The following WWTR1 variants were observed in gnomAD, a reference collection of about 807,000 sequenced individuals.
WWTR1 encodes WW domain-containing transcription regulator protein 1.
A neutral mutation model predicts 40.1 loss-of-function variants in WWTR1; 13 were observed. The ratio of observed to expected loss-of-function variants is 0.32; its 90% confidence interval spans 0.21 to 0.52. WWTR1 has a LOEUF of 0.52. Among genes scored for constraint, WWTR1 ranks in the 20% least tolerant of loss-of-function variants. The pLI, the probability that WWTR1 is intolerant of heterozygous loss-of-function variation, is 0.97. For missense variants in WWTR1, 436 were observed against 523.1 expected, an observed-to-expected ratio of 0.83 and a Z score of 1.63; for synonymous variants, 230 against 210.1, an observed-to-expected ratio of 1.09 and a Z score of -0.82.
At position 149,625,634 on chromosome 3, in the gene WWTR1, T is replaced by C. The variant is rs113328298; in HGVS notation, c.431+31242A>G. On this transcript the variant is annotated intron_variant, in intron 2 of 6. Transcript: ENST00000360632. ...GGTGAAACCCCATCTCTACTAAAAA[T>C]ACAAAAACTAGCTGGGCATGGTGGC... Among the ~76,000 whole-genome samples, 1,143 of 151,536 alleles carry C rather than the reference T, an allele frequency of 7.5e-3. 20 individuals are homozygous for C. The highest frequency in any genetic ancestry group is 0.026 in the African/African-American group (1,080 of 41,318).
Position 149,657,012 on chromosome 3 carries a change from C to T in WWTR1, c.295G>A (p.Gly99Ser), listed in dbSNP as rs1459922346. The change falls in exon 2 of 7, where the codon GGC becomes AGC. Residue 99 changes from glycine (G) to serine (S), a missense_variant. Physicochemically the swap from Gly to Ser is moderately conservative, Grantham distance 56. Coordinates refer to ENST00000360632, the MANE Select transcript of WWTR1 (RefSeq NM_015472.6). ...GCGGGGCTACCCGCAGCACCCGCGC[C>T]GGTGCCCAGCTGCAGGGACGCGGGC... ...SSPASLQLGTGAGAAGSPAQQ... is the reference protein window; with the variant it reads ...SSPASLQLGTSAGAAGSPAQQ... 5 of 1,595,252 alleles carry T rather than the reference C, an allele frequency of 3.1e-6. No homozygotes were observed. The highest frequency in any genetic ancestry group is 1.3e-5 in the African/African-American group (1 of 74,798).
intron 4 of WWTR1, among the ~76,000 whole-genome samples, chr3:149,539,100 C>G (rs916874646): frequency 3.3e-5 from 5 of 152,174 alleles, no homozygotes; most frequent in African/African-American, 4.8e-5. Flanking sequence ...AATAGGTGAC[C>G]CTTTGGCATT....
At chr3:149,538,959 A>C (rs1735956653) in intron 4 of WWTR1, among the ~76,000 whole-genome samples, 1 of 152,260 alleles carries the variant, frequency 6.6e-6, no homozygotes, top group Non-Finnish European at 1.5e-5. Flanking sequence ...TGAAGAGATA[A>C]AGGAATGAAG....
At chr3:149,653,450 T>C (rs1216336392) in intron 2 of WWTR1, among the ~76,000 whole-genome samples, 2 of 152,182 alleles carry the variant, frequency 1.3e-5, no homozygotes, top group Non-Finnish European at 2.9e-5. Context: ...TAAAAACTTT[T>C]TATTTAGAGA....
intron 3 of WWTR1, among the ~76,000 whole-genome samples, chr3:149,546,482 G>A: frequency 6.6e-6 from 1 of 152,326 alleles, no homozygotes; most frequent in Admixed American, 6.5e-5. Context: ...CATGTTACTA[G>A]TTGTGGTTAG....
chr3:149,628,733 A>AT (rs778504782), intron 2 of WWTR1, among the ~76,000 whole-genome samples: 3 of 140,826 alleles, frequency 2.1e-5, no homozygotes, highest in Admixed American at 7.1e-5. Context: ...GATTCTTTTT[A>AT]TTTTTTTTAT....
upstream of WWTR1, among the ~76,000 whole-genome samples, chr3:149,704,323 TAAG>T (rs2108226365): frequency 6.6e-6 from 1 of 152,186 alleles, no homozygotes; most frequent in South Asian, 2.1e-4. Context: ...CGTAACAAAC[TAAG>T]AAGGCTAAAT....
At chr3:149,622,232 GTTA>G (rs1039859100) in intron 2 of WWTR1, among the ~76,000 whole-genome samples, 2 of 152,056 alleles carry the variant, frequency 1.3e-5, no homozygotes, top group African/African-American at 4.8e-5. Context: ...TTGGGATGTT[GTTA>G]TTATTCTCCC....
chr3:149,522,116 C>A (rs540019376), intron 6 of WWTR1, among the ~76,000 whole-genome samples: 8 of 152,316 alleles, frequency 5.3e-5, no homozygotes, highest in African/African-American at 1.9e-4. Flanking sequence ...GAGATAATAT[C>A]TACTTCAAAA....
chr3:149,595,008 C>A (rs991358736), intron 2 of WWTR1, among the ~76,000 whole-genome samples: 5 of 113,472 alleles, frequency 4.4e-5, no homozygotes, highest in African/African-American at 6.9e-5. Context: ...TGTTGCCAGG[C>A]TGGAGTGCAG....
In WWTR1 at chr3:149,581,729, C is replaced by T. The variant is rs550525912; in HGVS notation, c.432-8729G>A. 1.2e-4 allele frequency among the ~76,000 whole-genome samples: 18 copies of T among 152,290 alleles called. No individual in the cohort carries two copies. The South Asian group carries it at 3.5e-3, about 30-fold the overall frequency. ...TCTAATCCTCGACTTCCCTCACAGA[C>T]TTGCCAAGAAGTTTCCACTTGTTTA... On this transcript the variant is annotated intron_variant, in intron 2 of 6. Transcript: ENST00000360632.
chr3:149,532,647 G>A (rs987111652), intron 4 of WWTR1, among the ~76,000 whole-genome samples: 17 of 151,996 alleles, frequency 1.1e-4, no homozygotes, highest in East Asian at 1.9e-4. Flanking sequence ...TACAAAACCC[G>A]AGGTCTGAAA....
chr3:149,611,759 T>C (rs1739746234), intron 2 of WWTR1, among the ~76,000 whole-genome samples: 1 of 152,192 alleles, frequency 6.6e-6, no homozygotes, highest in South Asian at 2.1e-4. Flanking sequence ...GTTAATAACA[T>C]AGCTCCAGAG....
intron 4 of WWTR1, among the ~76,000 whole-genome samples, chr3:149,723,180 C>CTTTTTTTTTTTTTTTTTTTTTTTTTT (rs1553737951): frequency 2.0e-5 from 1 of 49,156 alleles, no homozygotes; most frequent in Non-Finnish European, 5.0e-5. Context: ...GTTTTCTTTT[C>CTTTTTTTTTTTTTTTTTTTTTTTTTT]TTTTCTTTTT....
intron 4 of WWTR1, among the ~76,000 whole-genome samples, chr3:149,530,206 G>A (rs780784847): frequency 3.9e-5 from 6 of 152,048 alleles, no homozygotes; most frequent in Non-Finnish European, 7.4e-5. Context: ...TATTAGCCGG[G>A]TGTGGTGGCA....
At chr3:149,586,936 C>T (rs1268067222) in intron 2 of WWTR1, among the ~76,000 whole-genome samples, 2 of 152,182 alleles carry the variant, frequency 1.3e-5, no homozygotes, top group Non-Finnish European at 2.9e-5. Context: ...TGTGGAAGCT[C>T]CAAGTACCTT....
At chr3:149,567,769 A>G (rs996091099) in intron 3 of WWTR1, among the ~76,000 whole-genome samples, 28 of 152,328 alleles carry the variant, frequency 1.8e-4, no homozygotes, top group Admixed American at 1.6e-3. Context: ...CATTATCACC[A>G]TTTTACAGAT....
intron 5 of WWTR1, among the ~76,000 whole-genome samples, chr3:149,710,923 TTAAG>T (rs927695493): frequency 6.6e-6 from 1 of 151,956 alleles, no homozygotes; most frequent in African/African-American, 2.4e-5. Context: ...CATAAAGAAG[TTAAG>T]TAACTTGTCC....
intron 2 of WWTR1, among the ~76,000 whole-genome samples, chr3:149,594,493 A>G (rs905293608): frequency 6.6e-5 from 10 of 152,228 alleles, no homozygotes; most frequent in African/African-American, 2.2e-4. Context: ...TAAGAAATTC[A>G]CAAAATCATT....
Sources: allele counts gnomAD v4.1 joint callset (sites outside exome capture counted in the v4.1 genomes callset), GRCh38; gene constraint gnomAD v4.1.1; transcripts MANE v1.5; gene names NCBI Gene and HGNC (gene_info 2026-07-23, HGNC 2026-07-21).